The following SLC24A2 variants were observed in gnomAD, a reference collection of about 807,000 sequenced individuals.
The protein encoded by SLC24A2 is solute carrier family 24 member 2.
Under a neutral mutation model 62.0 loss-of-function variants are expected in SLC24A2, and 36 were observed. The ratio of observed to expected loss-of-function variants is 0.58; its 90% CI spans 0.44 to 0.77. The LOEUF is 0.77. Among genes scored for constraint, SLC24A2 ranks in the 30% least tolerant of loss-of-function variants. SLC24A2 has a pLI of 0.00. For synonymous variants in SLC24A2, 358 were observed against 294.0 expected (o/e 1.22, Z -2.23); for missense variants, 846 against 817.9 (o/e 1.03, Z -0.42).
upstream of SLC24A2, among the ~76,000 whole-genome samples, chr9:19,792,781 T>C (rs1823335686): frequency 6.6e-6 from 1 of 152,064 alleles, no homozygotes; most frequent in African/African-American, 2.4e-5. Flanking sequence ...ACAGTACTCA[T>C]ACTTACTTTG....
At chr9:19,823,868 C>G in the SLC24A2 span, among the ~76,000 whole-genome samples, 6 of 152,148 alleles carry the variant, frequency 3.9e-5, no homozygotes, top group African/African-American at 1.4e-4. Flanking sequence ...AATAACACCA[C>G]ACATCTACAA....
intron 7 of SLC24A2, among the ~76,000 whole-genome samples, chr9:19,552,501 A>G (rs1834893430): frequency 6.6e-6 from 1 of 152,166 alleles, no homozygotes; most frequent in Non-Finnish European, 1.5e-5. Context: ...TAAATACCCC[A>G]TCTCACATGA....
the SLC24A2 span, among the ~76,000 whole-genome samples, chr9:20,096,333 C>G: frequency 1.7e-3 from 264 of 152,252 alleles, no homozygotes; most frequent in Middle Eastern, 3.4e-3. Context: ...CATTCTTTCT[C>G]TCAGGAATAT....
In SLC24A2 at chr9:19,603,653, AGAC is replaced by A. The variant is rs201687715; in HGVS notation, c.1079-6377_1079-6375del. On this transcript the variant is annotated intron_variant, in intron 4 of 10. Transcript: ENST00000341998. ...CTGGCCTTATTCTGAGGCTTTGCCTAGACTACTGCAATGGTCTTATTTGCACTC... is the reference window on the plus strand; with the variant it reads ...CTGGCCTTATTCTGAGGCTTTGCCTATACTGCAATGGTCTTATTTGCACTC... 9.6e-3 allele frequency among the ~76,000 whole-genome samples: 1,468 copies of A among 152,254 alleles called. 22 individuals are homozygous for A. Among genetic ancestry groups the A allele is most frequent in the South Asian group, 0.033 (160 of 4,816 alleles).
the SLC24A2 span, among the ~76,000 whole-genome samples, chr9:20,002,632 C>A: frequency 6.6e-6 from 1 of 152,302 alleles, no homozygotes; most frequent in African/African-American, 2.4e-5. Flanking sequence ...TGAGAGCTCA[C>A]TCTCTTAACC....
chr9:19,848,495 C>T, the SLC24A2 span, among the ~76,000 whole-genome samples: 1 of 151,964 alleles, frequency 6.6e-6, no homozygotes, highest in Non-Finnish European at 1.5e-5. Flanking sequence ...TAACATATTG[C>T]ATATAAATGA....
At chr9:19,614,872 T>C (rs1817725366) in intron 4 of SLC24A2, among the ~76,000 whole-genome samples, 1 of 152,026 alleles carries the variant, frequency 6.6e-6, no homozygotes, top group Non-Finnish European at 1.5e-5. Flanking sequence ...AACCTACCCA[T>C]CTACCAGCTA....
chr9:20,103,720 A>G, the SLC24A2 span, among the ~76,000 whole-genome samples: 1 of 152,154 alleles, frequency 6.6e-6, no homozygotes, highest in African/African-American at 2.4e-5. Context: ...ATCAAAGACC[A>G]AAAGTAGATA....
chr9:20,115,946 CT>C, the SLC24A2 span, among the ~76,000 whole-genome samples: 2 of 152,080 alleles, frequency 1.3e-5, no homozygotes, highest in Admixed American at 1.3e-4. Context: ...ATTTTTTTAT[CT>C]GAGAAAATTA....
chr9:19,838,516 G>A, the SLC24A2 span, among the ~76,000 whole-genome samples: 1 of 151,496 alleles, frequency 6.6e-6, no homozygotes, highest in East Asian at 1.9e-4. Flanking sequence ...GCACACGCCT[G>A]TAATCCCAGC....
At chr9:20,140,408 T>C in the SLC24A2 span, among the ~76,000 whole-genome samples, 1 of 152,214 alleles carries the variant, frequency 6.6e-6, no homozygotes, top group Non-Finnish European at 1.5e-5. Context: ...TGGTGTGCCA[T>C]AGCTGGGCAC....
chr9:19,550,582 A>G (rs755240688), intron 7 of SLC24A2, among the ~76,000 whole-genome samples: 61 of 152,286 alleles, frequency 4.0e-4, no homozygotes, highest in Admixed American at 2.4e-3. Flanking sequence ...ATAACAAACT[A>G]TATCTGTGGA....
At chr9:19,838,162 T>C in the SLC24A2 span, among the ~76,000 whole-genome samples, 2 of 152,052 alleles carry the variant, frequency 1.3e-5, no homozygotes, top group Non-Finnish European at 2.9e-5. Flanking sequence ...TACCTGACTT[T>C]AAACTATACT....
chr9:20,193,139 C>A, the SLC24A2 span, among the ~76,000 whole-genome samples: 1 of 152,070 alleles, frequency 6.6e-6, no homozygotes, highest in African/African-American at 2.4e-5. Flanking sequence ...GTAGAACAGT[C>A]CACATGCCTT....
chr9:20,057,409 A>G, the SLC24A2 span, among the ~76,000 whole-genome samples: 1 of 152,300 alleles, frequency 6.6e-6, no homozygotes, highest in African/African-American at 2.4e-5. Context: ...CTCCTGTAGT[A>G]GGGGTAGATT....
In SLC24A2 at chr9:19,594,743, A is replaced by C. The variant is rs180824730; in HGVS notation, c.1129+2486T>G. ...ATCTTTGTCTTTATTATACTTCCTT[A>C]AATTGTACAACATGAAAGTGACATA... On this transcript the variant is annotated intron_variant, in intron 5 of 10. Transcript: ENST00000341998. Among the ~76,000 whole-genome samples the C allele has an allele frequency of 3.4e-3, 524 of 152,334 alleles. 4 individuals carry two copies. Among genetic ancestry groups the C allele is most frequent in the African/African-American group, 0.012 (509 of 41,580 alleles).
chr9:19,650,910 G>T (rs1818783781), intron 2 of SLC24A2, among the ~76,000 whole-genome samples: 1 of 152,014 alleles, frequency 6.6e-6, no homozygotes, highest in Non-Finnish European at 1.5e-5. Context: ...TGGCAGGGTT[G>T]AAATGCTTCT....
rs531938170 is a variant in SLC24A2 at position 19,621,253 on chromosome 9, G to A, written c.969+1008C>T. Among the ~76,000 whole-genome samples the A allele has an allele frequency of 9.2e-5, 14 of 152,292 alleles. No individual in the cohort carries two copies. The South Asian group carries it at 1.9e-3, about 20-fold the overall frequency. On this transcript the variant is annotated intron_variant, in intron 3 of 10. Transcript: ENST00000341998. ...GAAATCACATTGCCAATTCAATAGG[G>A]ATGGAAAAGAATCAGTGGGGATTAC...
chr9:19,558,843 G>T (rs551579530), intron 7 of SLC24A2, among the ~76,000 whole-genome samples: 7 of 152,250 alleles, frequency 4.6e-5, no homozygotes, highest in African/African-American at 1.7e-4. Context: ...TTTCCAATTA[G>T]GTTTCCTTGG....
Sources: gnomAD v4.1 joint callset for allele counts (sites outside exome capture counted in the v4.1 genomes callset) on GRCh38, gnomAD v4.1.1 for gene constraint, MANE v1.5 for transcripts, NCBI Gene and HGNC (gene_info 2026-07-23, HGNC 2026-07-21) for gene names.